PLD1: variants seen among roughly 807,000 people sequenced by gnomAD.
The protein encoded by PLD1 is choline phosphatase 1.
Under a neutral mutation model 137.1 loss-of-function variants are expected in PLD1, and 112 were observed. The ratio of observed to expected loss-of-function variants is 0.82; its 90% CI spans 0.70 to 0.96. The LOEUF (loss-of-function observed/expected upper bound fraction) is 0.96. Ranked by LOEUF, PLD1 falls within the 40% of genes least tolerant of loss-of-function variation. PLD1 has a pLI of 0.00. For synonymous variants in PLD1, 431 were observed against 454.7 expected, an observed-to-expected ratio of 0.95 and a Z score of 0.66; for missense variants, 1,321 against 1,342.0, an observed-to-expected ratio of 0.98 and a Z score of 0.24.
At chr3:171,807,312 A>AG (rs1312846320) in intron 1 of PLD1, among the ~76,000 whole-genome samples, 1 of 152,168 alleles carries the variant, frequency 6.6e-6, no homozygotes, top group Non-Finnish European at 1.5e-5. Context: ...AAAGTTTAAA[A>AG]GGTGCATTTC....
chr3:171,608,588 CAT>C (rs1406251964), intron 25 of PLD1, among the ~76,000 whole-genome samples: 1 of 152,148 alleles, frequency 6.6e-6, no homozygotes, highest in Admixed American at 6.5e-5. Flanking sequence ...TTCAATATGG[CAT>C]AACAGAGAGA....
chr3:171,736,595 A>T (rs192681286), intron 3 of PLD1, among the ~76,000 whole-genome samples: 6 of 152,190 alleles, frequency 3.9e-5, no homozygotes, highest in African/African-American at 1.4e-4. Flanking sequence ...GGGAGTCAGT[A>T]CATGTGCAGG....
At position 171,734,866 on chromosome 3, in the gene PLD1, CTT is replaced by C; in HGVS notation, c.537_538del (p.Arg180LysfsTer17). The C allele has an allele frequency of 6.3e-7, 1 of 1,581,644 alleles. No individual in the cohort carries two copies. Among genetic ancestry groups the C allele is most frequent in the Non-Finnish European group, 8.7e-7 (1 of 1,150,590 alleles). ...CCACAGAATAGTGAAGAAACTTACT[CTT>C]CTACCAAGGAATTGTTCTTCTCTTA... is the stretch of plus-strand genomic sequence containing the variant. On this transcript the variant is annotated frameshift_variant and splice_region_variant, in exon 5 of 27. Transcript: ENST00000351298. LOFTEE classifies it high-confidence loss of function.
intron 23 of PLD1, among the ~76,000 whole-genome samples, chr3:171,638,074 A>T (rs1294526047): frequency 6.6e-6 from 1 of 151,604 alleles, no homozygotes; most frequent in Non-Finnish European, 1.5e-5. Context: ...AGTCCCAGCT[A>T]CTCGGGAGGC....
intron 6 of PLD1, among the ~76,000 whole-genome samples, chr3:171,728,975 C>T (rs1221534705): frequency 6.6e-6 from 1 of 151,924 alleles, no homozygotes; most frequent in Non-Finnish European, 1.5e-5. Context: ...ACAGAGTTAT[C>T]AAATTGAAAG....
chr3:171,641,675 T>G (rs1735753297), intron 23 of PLD1, among the ~76,000 whole-genome samples: 1 of 152,154 alleles, frequency 6.6e-6, no homozygotes, highest in African/African-American at 2.4e-5. Flanking sequence ...CAGAATTAGC[T>G]GACACTTCCC....
intron 1 of PLD1, among the ~76,000 whole-genome samples, chr3:171,767,933 A>T (rs1722084410): frequency 6.9e-6 from 1 of 144,424 alleles, no homozygotes. Context: ...ACAGAGTGAG[A>T]CTCTGCCTCA....
chr3:171,786,220 T>C (rs1723008702), intron 1 of PLD1, among the ~76,000 whole-genome samples: 1 of 152,232 alleles, frequency 6.6e-6, no homozygotes, highest in South Asian at 2.1e-4. Flanking sequence ...GAAATAGCAA[T>C]TTCTCAGAAT....
At chr3:171,753,952 A>C (rs186190129) in intron 1 of PLD1, among the ~76,000 whole-genome samples, 4 of 152,256 alleles carry the variant, frequency 2.6e-5, no homozygotes, top group African/African-American at 9.6e-5. Flanking sequence ...CTCCGTCTGC[A>C]GCTTTGCGTT....
Position 171,806,622 on chromosome 3 carries a change from A to G in PLD1, c.-32+3777T>C, listed in dbSNP as rs1431856436. Among the ~76,000 whole-genome samples, 4 of 152,360 alleles carry G rather than the reference A, an allele frequency of 2.6e-5. No homozygotes were observed. In the East Asian group the frequency reaches 7.7e-4, roughly 29 times the overall value. ...ATGACTCAGCCTAACTACAAGTTTA[A>G]AGAGACATATCTTATGTGTTGGGTC... On this transcript the variant is annotated intron_variant, in intron 1 of 26. Transcript: ENST00000351298.
chr3:171,648,033 G>A (rs1481583599), intron 21 of PLD1, among the ~76,000 whole-genome samples: 1 of 152,170 alleles, frequency 6.6e-6, no homozygotes, highest in Non-Finnish European at 1.5e-5. Context: ...CACCCATGTT[G>A]TAGCATGCGT....
chr3:171,663,652 A>C (rs963705949), intron 19 of PLD1, among the ~76,000 whole-genome samples: 3 of 152,236 alleles, frequency 2.0e-5, no homozygotes, highest in Non-Finnish European at 2.9e-5. Flanking sequence ...AACACTCAGC[A>C]ACCATTGGTC....
intron 1 of PLD1, among the ~76,000 whole-genome samples, chr3:171,781,111 G>A (rs1019993790): frequency 6.6e-6 from 1 of 151,998 alleles, no homozygotes; most frequent in East Asian, 1.9e-4. Flanking sequence ...ACTAGTACAG[G>A]ATCAACAAAT....
intron 17 of PLD1, 111 bp from the exon 18 acceptor site, chr3:171,676,944 A>C (rs1217051370): frequency 1.5e-6 from 1 of 657,530 alleles, no homozygotes; most frequent in East Asian, 2.7e-5. Context: ...CCCACTAGGT[A>C]TATATTTCTT....
chr3:171,639,852 A>C lies in PLD1; in HGVS notation c.2593+2988T>G, dbSNP rs553164217. On this transcript the variant is annotated intron_variant, in intron 23 of 26. Transcript: ENST00000351298. ...TCTCTCTCTCTCTCTCTCTCTCTAT[A>C]TATATATATATATCTCCTATTGGTT... is the stretch of plus-strand genomic sequence containing the variant. Among the ~76,000 whole-genome samples the C allele has an allele frequency of 6.2e-3, 771 of 123,874 alleles. 3 individuals are homozygous for C. Among genetic ancestry groups the C allele is most frequent in the Middle Eastern group, 0.012 (3 of 246 alleles). The allele number at this position is 123,874 out of a possible 152,430, so 81.3% of individuals were successfully genotyped here.
intron 1 of PLD1, among the ~76,000 whole-genome samples, chr3:171,770,111 T>C (rs1474522467): frequency 1.3e-5 from 2 of 152,256 alleles, no homozygotes; most frequent in Non-Finnish European, 2.9e-5. Flanking sequence ...ACAATGTCTT[T>C]CTCTGTGCTT....
chr3:171,737,723 A>T (rs1205368383), intron 2 of PLD1, 64 bp from the exon 3 acceptor site: 1 of 1,346,090 alleles, frequency 7.4e-7, no homozygotes, highest in Non-Finnish European at 1.0e-6. Context: ...TTTTACAGGC[A>T]TTCTTTTAAG....
At chr3:171,744,870 A>G (rs1330436144) in intron 1 of PLD1, among the ~76,000 whole-genome samples, 1 of 152,250 alleles carries the variant, frequency 6.6e-6, no homozygotes, top group Non-Finnish European at 1.5e-5. Context: ...CATGGAGGCA[A>G]TAAGAAATCC....
rs1732790993 is a variant in PLD1 at position 171,612,992 on chromosome 3, A to G, written c.2729-560T>C. Among the ~76,000 whole-genome samples the G allele has an allele frequency of 6.6e-6, 1 of 152,078 alleles. No homozygotes were observed. Among genetic ancestry groups the G allele is most frequent in the Non-Finnish European group, 1.5e-5 (1 of 68,024 alleles). Reference sequence around the variant, plus strand: ...AGACCAGCCTGGACAACATAGCGAGACCTGGTCTCTACAAAAAGTTTTTAA... The same window carrying G: ...AGACCAGCCTGGACAACATAGCGAGGCCTGGTCTCTACAAAAAGTTTTTAA... On this transcript the variant is annotated intron_variant, in intron 24 of 26. Transcript: ENST00000351298. The surrounding 1 kb of genome is among the most constrained non-coding windows in gnomAD (Gnocchi z 4.1).
Sources: allele counts gnomAD v4.1 joint callset (sites outside exome capture counted in the v4.1 genomes callset), GRCh38; gene constraint gnomAD v4.1.1; non-coding constraint Gnocchi (gnomAD v3.1); transcripts MANE v1.5; gene names NCBI Gene and HGNC (gene_info 2026-07-23, HGNC 2026-07-21).